The following NBAS variants were observed in gnomAD, a reference collection of about 807,000 sequenced individuals.
The protein encoded by NBAS is NBAS subunit of NRZ tethering complex.
Under a neutral mutation model 302.5 loss-of-function variants are expected in NBAS, and 219 were observed. The observed-to-expected ratio is 0.72, with a 90% CI of 0.65 to 0.81. The LOEUF is 0.81. NBAS is among the 30% of genes least tolerant of loss of function. The pLI, the probability that NBAS is intolerant of heterozygous loss-of-function variation, is 0.00. For synonymous variants in NBAS, 1,118 were observed against 1,021.6 expected (o/e 1.09, Z -1.80); for missense variants, 2,932 against 2,841.6 (o/e 1.03, Z -0.72).
At chr2:15,512,332 T>C (rs1347768839) in intron 9 of NBAS, among the ~76,000 whole-genome samples, 2 of 152,142 alleles carry the variant, frequency 1.3e-5, no homozygotes, top group African/African-American at 4.8e-5. Context: ...AGTGGAGGTG[T>C]ATGCCCACTG....
the NBAS span, among the ~76,000 whole-genome samples, chr2:14,842,846 CAA>C: frequency 0.018 from 1,334 of 74,050 alleles, 25 homozygotes; most frequent in African/African-American, 0.054. Context: ...CAGAAAATGA[CAA>C]AAAAAAAAAA....
chr2:14,885,002 A>G, the NBAS span, among the ~76,000 whole-genome samples: 1 of 152,358 alleles, frequency 6.6e-6, no homozygotes, highest in Non-Finnish European at 1.5e-5. Flanking sequence ...ACACAAGGCC[A>G]GAGAAGAGGC....
chr2:14,936,584 T>A, the NBAS span, among the ~76,000 whole-genome samples: 18 of 152,306 alleles, frequency 1.2e-4, 1 homozygote, highest in African/African-American at 4.1e-4. Flanking sequence ...CAAAGGCCAC[T>A]TCTGACCACA....
Position 15,336,916 on chromosome 2 carries a change from T to A in NBAS, c.4180-6151A>T, listed in dbSNP as rs115958382. Among the ~76,000 whole-genome samples the A allele has an allele frequency of 5.4e-3, 820 of 152,276 alleles. 8 individuals carry two copies. The highest frequency in any genetic ancestry group is 0.018 in the African/African-American group (754 of 41,542). On this transcript the variant is annotated intron_variant, in intron 35 of 51. Coordinates refer to ENST00000281513, the MANE Select transcript of NBAS (RefSeq NM_015909.4). ...GAAAATATAAATATGGTAAGAATTA[T>A]GGCACTTAAGCAGACTACAACTACA...
chr2:14,928,790 G>A, the NBAS span, among the ~76,000 whole-genome samples: 2 of 152,172 alleles, frequency 1.3e-5, no homozygotes, highest in Non-Finnish European at 2.9e-5. Context: ...AAACTGGACA[G>A]TGAATCTCAG....
the NBAS span, among the ~76,000 whole-genome samples, chr2:14,871,779 A>C: frequency 6.6e-6 from 1 of 152,144 alleles, no homozygotes; most frequent in Non-Finnish European, 1.5e-5. Context: ...TAATAATGAA[A>C]TTTTAAAAAT....
At chr2:14,895,213 CTGTT>C in the NBAS span, among the ~76,000 whole-genome samples, 3 of 152,098 alleles carry the variant, frequency 2.0e-5, no homozygotes, top group African/African-American at 7.2e-5. Context: ...GGACAGATAA[CTGTT>C]GTGTTGTTGT....
chr2:14,926,313 C>T, the NBAS span, among the ~76,000 whole-genome samples: 4 of 152,268 alleles, frequency 2.6e-5, no homozygotes, highest in East Asian at 7.7e-4. Flanking sequence ...CTCCTCTAGG[C>T]TTCCCTAGAG....
chr2:15,147,585 T>C, the NBAS span, among the ~76,000 whole-genome samples: 6 of 151,814 alleles, frequency 4.0e-5, no homozygotes, highest in Non-Finnish European at 8.8e-5. Context: ...AGAGCGAAAC[T>C]CCGTCTCAAA....
the NBAS span, among the ~76,000 whole-genome samples, chr2:15,154,167 G>C: frequency 6.6e-6 from 1 of 152,122 alleles, no homozygotes; most frequent in South Asian, 2.1e-4. Flanking sequence ...TTTTTATTTT[G>C]GTTTATTCCA....
At position 15,180,623 on chromosome 2, in the gene NBAS, A is replaced by G. The variant is rs1664775034; in HGVS notation, c.6712-1507T>C. ...AGTGCTCCCCACCTAAGCATTCCAC[A>G]CAAAGTGATGTGCGGGGCCCCTTCT... On this transcript the variant is annotated intron_variant, in intron 50 of 51. Transcript: ENST00000281513. Among the ~76,000 whole-genome samples, 4 of 152,186 alleles carry G rather than the reference A, an allele frequency of 2.6e-5. No individual in the cohort carries two copies. In the South Asian group the frequency reaches 8.3e-4, roughly 32 times the overall value.
At chr2:15,275,359 CTT>C (rs1669523943) in intron 44 of NBAS, 123 bp downstream of exon 44, 1 of 1,187,112 alleles carries the variant, frequency 8.4e-7, no homozygotes, top group East Asian at 2.6e-5. Context: ...TGAACAAAAA[CTT>C]TTTAAAAAGC....
At chr2:15,021,030 G>A in the NBAS span, among the ~76,000 whole-genome samples, 5 of 152,070 alleles carry the variant, frequency 3.3e-5, no homozygotes, top group East Asian at 1.9e-4. Context: ...TCAGGAGTTC[G>A]AGATCAGCCT....
At chr2:14,950,983 T>A in the NBAS span, among the ~76,000 whole-genome samples, 2 of 152,244 alleles carry the variant, frequency 1.3e-5, no homozygotes, top group African/African-American at 4.8e-5. Context: ...AAAGGACATT[T>A]GTCTTTTATT....
At chr2:15,403,908 CTT>C (rs11286593) in intron 25 of NBAS, among the ~76,000 whole-genome samples, 106 of 134,122 alleles carry the variant, frequency 7.9e-4, no homozygotes, top group African/African-American at 1.9e-3. Flanking sequence ...TGTCTATACA[CTT>C]TTTTTTTTTT....
At chr2:15,352,269 T>C (rs1359688169) in intron 34 of NBAS, among the ~76,000 whole-genome samples, 188 bp from the exon 35 acceptor site, 1 of 151,998 alleles carries the variant, frequency 6.6e-6, no homozygotes, top group African/African-American at 2.4e-5. Flanking sequence ...GTTTCAGAAG[T>C]GGGGATCAAG....
chr2:15,080,766 G>A, the NBAS span, among the ~76,000 whole-genome samples: 4 of 152,226 alleles, frequency 2.6e-5, no homozygotes, highest in African/African-American at 9.6e-5. Context: ...GAGTCCACCT[G>A]TGACCTTTCA....
At chr2:15,556,632 C>A in intron 3 of NBAS, 151 bp downstream of exon 3, 1 of 725,632 alleles carries the variant, frequency 1.4e-6, no homozygotes, top group South Asian at 1.7e-5. Context: ...TCAGATTCTA[C>A]CTAAATGTTT....
the NBAS span, among the ~76,000 whole-genome samples, chr2:14,993,773 T>G: frequency 6.6e-6 from 1 of 152,244 alleles, no homozygotes; most frequent in African/African-American, 2.4e-5. Context: ...TATTATATAA[T>G]GTATTCCCAA....
Sources: gnomAD v4.1 joint callset for allele counts (sites outside exome capture counted in the v4.1 genomes callset) on GRCh38, gnomAD v4.1.1 for gene constraint, MANE v1.5 for transcripts, NCBI Gene and HGNC (gene_info 2026-07-23, HGNC 2026-07-21) for gene names.